The following ACVR1C variants were observed in gnomAD, a reference collection of about 807,000 sequenced individuals.
The protein encoded by ACVR1C is activin receptor type-1C.
A neutral mutation model predicts 57.9 loss-of-function variants in ACVR1C; 23 were observed. That is an observed-to-expected ratio of 0.40 (90% CI 0.29 to 0.56). The LOEUF (loss-of-function observed/expected upper bound fraction) is 0.56. Among genes scored for constraint, ACVR1C ranks in the 20% least tolerant of loss-of-function variants. The probability of loss-of-function intolerance (pLI) is 0.50; values close to 1 mark genes in which losing one functional copy is unlikely to be tolerated. For synonymous variants in ACVR1C, 214 were observed against 215.3 expected, an observed-to-expected ratio of 0.99 and a Z score of 0.05; for missense variants, 480 against 607.9, an observed-to-expected ratio of 0.79 and a Z score of 2.21.
intron 1 of ACVR1C, among the ~76,000 whole-genome samples, chr2:157,610,944 G>C (rs1172019422): frequency 1.3e-5 from 2 of 151,720 alleles, no homozygotes; most frequent in African/African-American, 2.4e-5. Context: ...TGATTTCTTT[G>C]TACTATTTTT....
chr2:157,579,058 G>A (rs1348527718), intron 2 of ACVR1C, among the ~76,000 whole-genome samples: 1 of 152,046 alleles, frequency 6.6e-6, no homozygotes, highest in African/African-American at 2.4e-5. Flanking sequence ...ACTTCCCTTT[G>A]TCTTTGGTGT....
At chr2:157,579,023 T>A (rs1338117086) in intron 2 of ACVR1C, among the ~76,000 whole-genome samples, 1 of 152,218 alleles carries the variant, frequency 6.6e-6, no homozygotes, top group African/African-American at 2.4e-5. Flanking sequence ...TCTAATTAAC[T>A]TTTTTTCCTC....
chr2:157,616,665 C>T (rs1176835628), intron 1 of ACVR1C, among the ~76,000 whole-genome samples: 1 of 151,970 alleles, frequency 6.6e-6, no homozygotes, highest in Admixed American at 6.5e-5. Context: ...ATTACAAGGT[C>T]TTTATACTAA....
At chr2:157,600,282 A>G (rs1488891870) in intron 1 of ACVR1C, among the ~76,000 whole-genome samples, 1 of 152,228 alleles carries the variant, frequency 6.6e-6, no homozygotes, top group Non-Finnish European at 1.5e-5. Context: ...CAAATGAGAA[A>G]AGAGCAGAGT....
chr2:157,607,668 T>C (rs1206468995), intron 1 of ACVR1C, among the ~76,000 whole-genome samples: 1 of 151,778 alleles, frequency 6.6e-6, no homozygotes. Context: ...GTTTTTCTTG[T>C]ATAGATGTTT....
intron 1 of ACVR1C, among the ~76,000 whole-genome samples, chr2:157,626,628 C>T (rs1682902938): frequency 6.6e-6 from 1 of 152,174 alleles, no homozygotes; most frequent in Admixed American, 6.5e-5. Context: ...GGTAAAAATA[C>T]AGTTGGCTAA....
intron 3 of ACVR1C, among the ~76,000 whole-genome samples, chr2:157,552,627 T>C (rs1025725607): frequency 6.6e-6 from 1 of 152,106 alleles, no homozygotes; most frequent in African/African-American, 2.4e-5. Flanking sequence ...ACACAACAAA[T>C]GGATGGAGAG....
At chr2:157,572,804 C>T (rs192305159) in intron 2 of ACVR1C, among the ~76,000 whole-genome samples, 5 of 152,170 alleles carry the variant, frequency 3.3e-5, no homozygotes, top group Admixed American at 3.3e-4. Flanking sequence ...AAAATCATAG[C>T]ACCTTTCATT....
intron 2 of ACVR1C, among the ~76,000 whole-genome samples, chr2:157,579,333 T>C (rs1017608320): frequency 1.3e-5 from 2 of 152,216 alleles, no homozygotes; most frequent in African/African-American, 2.4e-5. Context: ...CTCTATATAC[T>C]GCATACAAAA....
chr2:157,608,695 C>T (rs1324264877), intron 1 of ACVR1C, among the ~76,000 whole-genome samples: 1 of 151,774 alleles, frequency 6.6e-6, no homozygotes, highest in Non-Finnish European at 1.5e-5. Context: ...CTTTCTGATT[C>T]AATCTTGATA....
At chr2:157,585,987 G>T (rs2105255322) in intron 2 of ACVR1C, among the ~76,000 whole-genome samples, 1 of 152,190 alleles carries the variant, frequency 6.6e-6, no homozygotes, top group African/African-American at 2.4e-5. Flanking sequence ...TTTCTGAGAT[G>T]AATTGGGATG....
chr2:157,572,852 G>T (rs1293001883), intron 2 of ACVR1C, among the ~76,000 whole-genome samples: 2 of 152,084 alleles, frequency 1.3e-5, no homozygotes, highest in East Asian at 1.9e-4. Context: ...CACCTGTCAG[G>T]TGTGCCCTGT....
chr2:157,605,312 G>A (rs955276637), intron 1 of ACVR1C, among the ~76,000 whole-genome samples: 1 of 151,610 alleles, frequency 6.6e-6, no homozygotes, highest in Non-Finnish European at 1.5e-5. Context: ...TCTTGAAATA[G>A]GTACTACGAG....
chr2:157,616,785 G>C (rs1406144269), intron 1 of ACVR1C, among the ~76,000 whole-genome samples: 2 of 151,826 alleles, frequency 1.3e-5, no homozygotes, highest in Non-Finnish European at 2.9e-5. Flanking sequence ...GGAACATTAA[G>C]AAAGAATACA....
chr2:157,595,256 T>G (rs1313030318), intron 1 of ACVR1C, among the ~76,000 whole-genome samples: 1 of 152,204 alleles, frequency 6.6e-6, no homozygotes, highest in Non-Finnish European at 1.5e-5. Flanking sequence ...CTTCCTGCCT[T>G]TGGAAGGCAA....
chr2:157,575,474 G>T (rs896509595), intron 2 of ACVR1C, among the ~76,000 whole-genome samples: 9 of 152,076 alleles, frequency 5.9e-5, no homozygotes, highest in Non-Finnish European at 8.8e-5. Flanking sequence ...TCACCACCTG[G>T]CCAAGGCTGG....
In ACVR1C at chr2:157,527,352, G is replaced by C. The variant is rs553117097; in HGVS notation, c.*6566C>G. 1.1e-4 allele frequency: 16 copies of C among 152,204 alleles called. No individual in the cohort carries two copies. Among genetic ancestry groups the C allele is most frequent in the Non-Finnish European group, 2.2e-4 (15 of 68,008 alleles). The allele number at this position is 152,204 out of a possible 1,614,324, so 9.4% of individuals were successfully genotyped here. ...TTTACATACTTAAGAGTATCAGCTA[G>C]CTTACAAAAAGTCTTTACAACGGTG... On this transcript the variant is annotated 3_prime_UTR_variant, in exon 9 of 9. Coordinates refer to ENST00000243349, the MANE Select transcript of ACVR1C (RefSeq NM_145259.3).
At chr2:157,612,654 T>C (rs747513879) in intron 1 of ACVR1C, among the ~76,000 whole-genome samples, 1 of 152,224 alleles carries the variant, frequency 6.6e-6, no homozygotes, top group Non-Finnish European at 1.5e-5. Flanking sequence ...TCTCAGGCTA[T>C]GGAAAGTATA....
At chr2:157,609,291 G>A (rs1682477536) in intron 1 of ACVR1C, among the ~76,000 whole-genome samples, 1 of 151,668 alleles carries the variant, frequency 6.6e-6, no homozygotes, top group African/African-American at 2.4e-5. Context: ...ATTTCCTCTT[G>A]GTATTGATTT....
Sources: allele counts gnomAD v4.1 joint callset (sites outside exome capture counted in the v4.1 genomes callset), GRCh38; gene constraint gnomAD v4.1.1; transcripts MANE v1.5; gene names NCBI Gene and HGNC (gene_info 2026-07-23, HGNC 2026-07-21).